Variants in LMO7 observed in about 807,000 individuals in gnomAD.
The protein encoded by LMO7 is LIM domain only protein 7.
Under a neutral mutation model 206.5 loss-of-function variants are expected in LMO7, and 120 were observed. The ratio of observed to expected loss-of-function variants is 0.58; its 90% CI spans 0.50 to 0.68. LMO7 has a LOEUF of 0.68. Among genes scored for constraint, LMO7 ranks in the 30% least tolerant of loss-of-function variants. LMO7 has a pLI of 0.00. For missense variants in LMO7, 1,959 were observed against 1,957.9 expected (o/e 1.00, Z -0.01); for synonymous variants, 706 against 681.5 (o/e 1.04, Z -0.56).
chr13:75,728,686 A>G (rs1020905018), intron 3 of LMO7, among the ~76,000 whole-genome samples: 1 of 136,346 alleles, frequency 7.3e-6, no homozygotes, highest in African/African-American at 3.0e-5. Flanking sequence ...TGTTTTAGAC[A>G]TGAAGTCCTT....
At chr13:75,765,625 A>G (rs910976340) in intron 4 of LMO7, among the ~76,000 whole-genome samples, 1 of 152,104 alleles carries the variant, frequency 6.6e-6, no homozygotes, top group Admixed American at 6.6e-5. Flanking sequence ...TCTGTTTAAG[A>G]CCATTGGCAA....
At chr13:75,716,625 A>G (rs1051294244) in intron 2 of LMO7, among the ~76,000 whole-genome samples, 1 of 152,160 alleles carries the variant, frequency 6.6e-6, no homozygotes, top group Non-Finnish European at 1.5e-5. Context: ...ATAATGTGCT[A>G]TGAATTTTAT....
chr13:75,770,325 G>A (rs2049461448), intron 4 of LMO7, among the ~76,000 whole-genome samples: 1 of 151,974 alleles, frequency 6.6e-6, no homozygotes, highest in African/African-American at 2.4e-5. Flanking sequence ...ATGTTGATGG[G>A]GATGTGGGTG....
At chr13:75,815,524 T>A (rs990972025) in intron 11 of LMO7, among the ~76,000 whole-genome samples, 2 of 152,168 alleles carry the variant, frequency 1.3e-5, no homozygotes, top group Non-Finnish European at 2.9e-5. Flanking sequence ...ATGACAAACT[T>A]GAGACGCCTA....
At chr13:75,655,659 AT>A (rs2037998346) in intron 1 of LMO7, among the ~76,000 whole-genome samples, 1 of 2,580 alleles carries the variant, frequency 3.9e-4, no homozygotes, top group Non-Finnish European at 1.1e-3. Context: ...ATATATATAT[AT>A]ATATATATAT....
chr13:75,743,602 G>T (rs746506914), intron 3 of LMO7, among the ~76,000 whole-genome samples: 1 of 152,158 alleles, frequency 6.6e-6, no homozygotes, highest in Non-Finnish European at 1.5e-5. Flanking sequence ...TGCAAGAAAA[G>T]AAAACCAAAT....
Position 75,670,966 on chromosome 13 carries a change from CT to C in LMO7, c.69+34257del, listed in dbSNP as rs552236505. 3.0e-3 allele frequency among the ~76,000 whole-genome samples: 298 copies of C among 100,058 alleles called. 3 individuals are homozygous for C. Among genetic ancestry groups the C allele is most frequent in the Middle Eastern group, 0.014 (2 of 140 alleles). 65.6% of individuals were successfully genotyped at this position (100,058 alleles called of 152,430 possible). A position where few individuals can be genotyped will look rare whatever the true frequency, so the allele number is the denominator to read the frequency against. On this transcript the variant is annotated intron_variant, in intron 1 of 30. Coordinates refer to ENST00000377534, the MANE Select transcript of LMO7 (RefSeq NM_001306080.2). Reference sequence around the variant, plus strand: ...TACCTTTTTTTTTTAATGTTTAAAACTTTTTTTTTTTTTTTTTACTATTTAA... The same window carrying C: ...TACCTTTTTTTTTTAATGTTTAAAACTTTTTTTTTTTTTTTTACTATTTAA...
At chr13:75,745,331 C>A (rs1054055199) in intron 3 of LMO7, among the ~76,000 whole-genome samples, 1 of 152,054 alleles carries the variant, frequency 6.6e-6, no homozygotes, top group Non-Finnish European at 1.5e-5. Flanking sequence ...CATTGGTTGC[C>A]TGTGATGAAG....
intron 13 of LMO7, among the ~76,000 whole-genome samples, chr13:75,820,031 A>G (rs1046438983): frequency 2.8e-4 from 43 of 152,240 alleles, no homozygotes; most frequent in African/African-American, 9.6e-4. Context: ...TCTTAACAGT[A>G]TAAAGGTCAA....
intron 9 of LMO7, 94 bp downstream of exon 9, chr13:75,805,854 A>G: frequency 7.5e-7 from 1 of 1,328,028 alleles, no homozygotes; most frequent in Non-Finnish European, 1.0e-6. Context: ...TAAGAGAGAC[A>G]GAGAAAGTCT....
chr13:75,792,000 C>T (rs1281018046), intron 4 of LMO7, among the ~76,000 whole-genome samples: 2 of 152,060 alleles, frequency 1.3e-5, no homozygotes, highest in South Asian at 4.1e-4. Context: ...GAGGGTCTCG[C>T]TTTGTCACCC....
At chr13:75,811,375 C>T (rs1398727924) in intron 11 of LMO7, among the ~76,000 whole-genome samples, 1 of 151,970 alleles carries the variant, frequency 6.6e-6, no homozygotes, top group Non-Finnish European at 1.5e-5. Context: ...AGATCTGCTG[C>T]AGTGAAAAGA....
chr13:75,746,629 C>G (rs1408344776), intron 3 of LMO7, among the ~76,000 whole-genome samples: 1 of 152,168 alleles, frequency 6.6e-6, no homozygotes, highest in Admixed American at 6.5e-5. Context: ...TCCCCTAAAG[C>G]GACCATTATA....
intron 2 of LMO7, chr13:75,627,147 G>A (rs1354123705): frequency 2.6e-5 from 4 of 152,052 alleles, no homozygotes; most frequent in East Asian, 1.9e-4. Flanking sequence ...TCCAACTTAC[G>A]ATTTTTTGAC....
chr13:75,680,333 A>G (rs2040369375), intron 1 of LMO7, among the ~76,000 whole-genome samples: 1 of 152,304 alleles, frequency 6.6e-6, no homozygotes, highest in African/African-American at 2.4e-5. Flanking sequence ...TGTCTTTGCT[A>G]TTGTAAACAG....
intron 4 of LMO7, among the ~76,000 whole-genome samples, chr13:75,781,676 A>C (rs536865328): frequency 6.8e-4 from 102 of 150,154 alleles, no homozygotes; most frequent in Non-Finnish European, 1.3e-3. Flanking sequence ...TGGTATTTCT[A>C]GTTCTAGATC....
intron 23 of LMO7, 36 bp downstream of exon 23, chr13:75,841,237 C>T: frequency 7.3e-7 from 1 of 1,375,764 alleles, no homozygotes. Flanking sequence ...TTTTTCTTCT[C>T]TTTACCTTGT....
intron 26 of LMO7, among the ~76,000 whole-genome samples, chr13:75,847,377 A>G (rs138442150): frequency 2.3e-4 from 35 of 152,334 alleles, no homozygotes; most frequent in Non-Finnish European, 5.1e-4. Flanking sequence ...TAAATTCAAC[A>G]TTCAAATTAT....
chr13:75,839,846 G>C, intron 20 of LMO7: 1 of 440,472 alleles, frequency 2.3e-6, no homozygotes, highest in Non-Finnish European at 4.1e-6. Flanking sequence ...CCTAGAGCTA[G>C]GGTTTATTTT....
Sources: gnomAD v4.1 joint callset for allele counts (sites outside exome capture counted in the v4.1 genomes callset) on GRCh38, gnomAD v4.1.1 for gene constraint, MANE v1.5 for transcripts, NCBI Gene and HGNC (gene_info 2026-07-23, HGNC 2026-07-21) for gene names.